The following GSPT1 variants were observed in gnomAD, a reference collection of about 807,000 sequenced individuals.
GSPT1 encodes eukaryotic peptide chain release factor GTP-binding subunit ERF3A.
Under a neutral mutation model 72.5 loss-of-function variants are expected in GSPT1, and 20 were observed. The ratio of observed to expected loss-of-function variants is 0.28; its 90% CI spans 0.19 to 0.40. The LOEUF (loss-of-function observed/expected upper bound fraction) is 0.40. GSPT1 is among the 10% of genes least tolerant of loss of function. The probability of loss-of-function intolerance (pLI) is 1.00; values close to 1 mark genes in which losing one functional copy is unlikely to be tolerated. For synonymous variants in GSPT1, 334 were observed against 293.5 expected, an observed-to-expected ratio of 1.14 and a Z score of -1.41; for missense variants, 580 against 811.9, an observed-to-expected ratio of 0.71 and a Z score of 3.47.
Position 11,872,956 on chromosome 16 carries a change from A to C in GSPT1, c.*163T>G. 1.8e-6 allele frequency: 1 copy of C among 569,454 alleles called. No homozygotes were observed. Among genetic ancestry groups the C allele is most frequent in the Non-Finnish European group, 3.2e-6 (1 of 308,798 alleles). 35.3% of individuals were successfully genotyped at this position (569,454 alleles called of 1,614,324 possible). A position where few individuals can be genotyped will look rare whatever the true frequency, so the allele number is the denominator to read the frequency against. ...TCAACAGTGGCATAGCAGAGCTCTC[A>C]ATATGAGAAAGCTGACATAATGTGG... On this transcript the variant is annotated 3_prime_UTR_variant, in exon 15 of 15. Coordinates refer to ENST00000434724, the MANE Select transcript of GSPT1 (RefSeq NM_002094.4).
intron 4 of GSPT1, 160 bp from the exon 5 acceptor site, chr16:11,895,147 A>C: frequency 1.8e-6 from 1 of 559,426 alleles, no homozygotes; most frequent in Non-Finnish European, 3.3e-6. Flanking sequence ...AATGAGCCTC[A>C]AGGCTGGGCT....
rs980953895 is a variant in GSPT1, at chr16:11,871,940, A to G, written c.*1179T>C. On this transcript the variant is annotated 3_prime_UTR_variant, in exon 15 of 15. Coordinates refer to ENST00000434724, the MANE Select transcript of GSPT1 (RefSeq NM_002094.4). ...CTTTACACTTAAGAAAACTCAGTCAATTTCAAATAATTGAGATAAAACTTA... is the reference window on the plus strand; with the variant it reads ...CTTTACACTTAAGAAAACTCAGTCAGTTTCAAATAATTGAGATAAAACTTA... 7 of 152,150 alleles carry G rather than the reference A, an allele frequency of 4.6e-5. No homozygotes were observed. The highest frequency in any genetic ancestry group is 1.7e-4 in the African/African-American group (7 of 41,440). The allele number at this position is 152,150 out of a possible 1,614,324, so 9.4% of individuals were successfully genotyped here.
At chr16:11,906,806 T>C (rs1442075823) in intron 1 of GSPT1, among the ~76,000 whole-genome samples, 2 of 152,190 alleles carry the variant, frequency 1.3e-5, no homozygotes, top group African/African-American at 4.8e-5. Flanking sequence ...AATAGGCACT[T>C]ATCTGGTAAG....
At chr16:11,879,024 C>CGA (rs2054085116) in intron 11 of GSPT1, among the ~76,000 whole-genome samples, 3 of 148,400 alleles carry the variant, frequency 2.0e-5, no homozygotes, top group African/African-American at 5.0e-5. Flanking sequence ...TGCAGTGAGC[C>CGA]GAGATCGTGC....
chr16:11,913,985 G>A (rs1221143872), intron 1 of GSPT1, among the ~76,000 whole-genome samples: 1 of 152,098 alleles, frequency 6.6e-6, no homozygotes. Flanking sequence ...AAGAGCAAAC[G>A]GTGACAAAAG....
At chr16:11,887,006 T>C in intron 7 of GSPT1, 75 bp from the exon 8 acceptor site, 2 of 1,071,298 alleles carry the variant, frequency 1.9e-6, no homozygotes, top group Middle Eastern at 2.1e-4. Flanking sequence ...ATCTTTCCTT[T>C]CAGTTATATC....
intron 1 of GSPT1, among the ~76,000 whole-genome samples, chr16:11,914,494 G>C (rs534786719): frequency 6.6e-6 from 1 of 152,304 alleles, no homozygotes; most frequent in East Asian, 1.9e-4. Context: ...AAAGACACGT[G>C]AGAACTATTA....
intron 12 of GSPT1, among the ~76,000 whole-genome samples, chr16:11,876,779 C>A (rs2054053893): frequency 6.6e-6 from 1 of 152,106 alleles, no homozygotes; most frequent in African/African-American, 2.4e-5. Flanking sequence ...ACTTTCTTAT[C>A]TGGGAAGACT....
chr16:11,898,321 G>C lies in GSPT1; in HGVS notation c.353-286C>G, dbSNP rs1336206202. 3.3e-5 allele frequency among the ~76,000 whole-genome samples: 5 copies of C among 151,992 alleles called. No homozygotes were observed. The East Asian group carries it at 9.6e-4, about 29-fold the overall frequency. ...TTGCTTTATAAACCTTTTCTTCACA[G>C]ATACTGTCAAAGTAATTTGCAGCTC... On this transcript the variant is annotated intron_variant, in intron 1 of 14. Coordinates refer to ENST00000434724, the MANE Select transcript of GSPT1 (RefSeq NM_002094.4).
At chr16:11,891,363 T>C (rs559581758) in intron 5 of GSPT1, among the ~76,000 whole-genome samples, 268 of 144,034 alleles carry the variant, frequency 1.9e-3, no homozygotes, top group Non-Finnish European at 3.2e-3. Context: ...TACATATATA[T>C]ATATATTTTT....
chr16:11,895,168 C>T (rs1218395141), intron 4 of GSPT1, 181 bp from the exon 5 acceptor site: 9 of 499,574 alleles, frequency 1.8e-5, no homozygotes, highest in South Asian at 1.1e-4. Context: ...CGGTGGCTCA[C>T]GCCTGTAATT....
chr16:11,890,953 T>C (rs2054251018), intron 6 of GSPT1, 109 bp downstream of exon 6: 1 of 619,438 alleles, frequency 1.6e-6, no homozygotes, highest in Admixed American at 3.2e-5. Context: ...TCCTTTGTTG[T>C]GATACGATTT....
At chr16:11,910,815 T>C (rs771078131) in intron 1 of GSPT1, among the ~76,000 whole-genome samples, 1 of 152,220 alleles carries the variant, frequency 6.6e-6, no homozygotes, top group Non-Finnish European at 1.5e-5. Context: ...CACTACGTAA[T>C]ACCTGCTCCA....
chr16:11,887,501 A>C (rs1031419381), intron 7 of GSPT1, 69 bp downstream of exon 7: 2 of 1,278,622 alleles, frequency 1.6e-6, no homozygotes, highest in Non-Finnish European at 2.2e-6. Flanking sequence ...TTAGAAGATA[A>C]ATTCAAATTT....
intron 14 of GSPT1, 83 bp from the exon 15 acceptor site, chr16:11,873,254 A>G (rs2053998339): frequency 7.3e-6 from 5 of 681,368 alleles, no homozygotes. Context: ...TTTAAATCAC[A>G]AAAATATTTT....
chr16:11,907,341 A>G (rs918791240), intron 1 of GSPT1, among the ~76,000 whole-genome samples: 1 of 152,196 alleles, frequency 6.6e-6, no homozygotes, highest in African/African-American at 2.4e-5. Context: ...CCTCTCATGG[A>G]TATGACTGAC....
At chr16:11,897,971 A>T in intron 2 of GSPT1, 23 bp downstream of exon 2, 1 of 1,525,978 alleles carries the variant, frequency 6.6e-7, no homozygotes, top group Non-Finnish European at 8.9e-7. Context: ...TCTCAAGTAG[A>T]CTTTCAAAGA....
At chr16:11,915,074 CCATCT>C (rs1457803965) in intron 1 of GSPT1, 1 of 1,291,706 alleles carries the variant, frequency 7.7e-7, no homozygotes, top group African/African-American at 1.5e-5. Flanking sequence ...CATACGGTTC[CCATCT>C]CAAGTGGGTA....
chr16:11,906,872 A>T (rs1223247923), intron 1 of GSPT1, among the ~76,000 whole-genome samples: 1 of 152,174 alleles, frequency 6.6e-6, no homozygotes, highest in Admixed American at 6.5e-5. Context: ...CCAACAACAA[A>T]GAACGATCCC....
Sources: allele counts gnomAD v4.1 joint callset (sites outside exome capture counted in the v4.1 genomes callset), GRCh38; gene constraint gnomAD v4.1.1; transcripts MANE v1.5; gene names NCBI Gene and HGNC (gene_info 2026-07-23, HGNC 2026-07-21).